Variants in GABRA2 observed in about 807,000 individuals in gnomAD.
GABRA2 encodes the protein gamma-aminobutyric acid type A receptor subunit alpha2.
In GABRA2, 16 loss-of-function variants were observed where a neutral mutation model predicts 48.7. That is an observed-to-expected ratio of 0.33 (90% CI 0.22 to 0.50). The LOEUF is 0.50. Ranked by LOEUF, GABRA2 falls within the 20% of genes least tolerant of loss-of-function variation. The pLI is 0.98. For synonymous variants in GABRA2, 185 were observed against 184.5 expected (o/e 1.00, Z -0.02); for missense variants, 275 against 535.6 (o/e 0.51, Z 4.80).
At chr4:46,378,656 T>TA (rs5858024) in intron 3 of GABRA2, among the ~76,000 whole-genome samples, 26 of 145,736 alleles carry the variant, frequency 1.8e-4, no homozygotes, top group East Asian at 6.0e-4. Flanking sequence ...AATGATCAAT[T>TA]AAAAAAAAAA....
intron 3 of GABRA2, among the ~76,000 whole-genome samples, chr4:46,352,694 T>C (rs1030515747): frequency 3.9e-5 from 6 of 152,078 alleles, no homozygotes; most frequent in African/African-American, 9.7e-5. Flanking sequence ...CCATTGTCCA[T>C]TTCCATTCAC....
intron 8 of GABRA2, among the ~76,000 whole-genome samples, chr4:46,269,634 A>G (rs1381160767): frequency 6.6e-6 from 1 of 151,906 alleles, no homozygotes; most frequent in Non-Finnish European, 1.5e-5. Context: ...GAAAAGAAAC[A>G]CCTACAGTTA....
At chr4:46,385,078 C>CAT (rs36113226) in intron 3 of GABRA2, among the ~76,000 whole-genome samples, 3,030 of 143,414 alleles carry the variant, frequency 0.021, 20 homozygotes, top group Non-Finnish European at 0.024. Flanking sequence ...AATTGCCTAA[C>CAT]ATATATATAT....
intron 4 of GABRA2, among the ~76,000 whole-genome samples, chr4:46,313,152 TAA>T (rs1290438978): frequency 1.1e-4 from 16 of 141,674 alleles, no homozygotes; most frequent in Non-Finnish European, 2.0e-4. Flanking sequence ...AATAAATAAA[TAA>T]ATAAAATTTT....
chr4:46,262,461 A>C (rs1717177880), intron 8 of GABRA2, among the ~76,000 whole-genome samples: 1 of 152,138 alleles, frequency 6.6e-6, no homozygotes, highest in Non-Finnish European at 1.5e-5. Flanking sequence ...AAAAGCAGGC[A>C]CTTTAAATGG....
chr4:46,353,086 T>A (rs1735402820), intron 3 of GABRA2, among the ~76,000 whole-genome samples: 1 of 152,136 alleles, frequency 6.6e-6, no homozygotes, highest in Non-Finnish European at 1.5e-5. Context: ...TGTTCTCTTT[T>A]AAGTGTGGAA....
intron 3 of GABRA2, among the ~76,000 whole-genome samples, chr4:46,336,430 A>G (rs1377863488): frequency 2.0e-5 from 3 of 152,192 alleles, no homozygotes; most frequent in Non-Finnish European, 4.4e-5. Context: ...AAGTCTGAAC[A>G]GTTAAGCAGC....
At chr4:46,310,099 A>T in intron 6 of GABRA2, 74 bp downstream of exon 6, 1 of 993,736 alleles carries the variant, frequency 1.0e-6, no homozygotes, top group Non-Finnish European at 1.6e-6. Flanking sequence ...GAAAAAAACT[A>T]GACAATTGAG....
chr4:46,329,445 C>A (rs574962040), intron 4 of GABRA2, among the ~76,000 whole-genome samples: 2 of 152,170 alleles, frequency 1.3e-5, no homozygotes, highest in East Asian at 3.9e-4. Context: ...TTTCTGTGGA[C>A]CAGCTTCAGC....
At position 46,250,086 on chromosome 4, in the gene GABRA2, T is replaced by G; in HGVS notation, c.*222A>C. On this transcript the variant is annotated 3_prime_UTR_variant, in exon 10 of 10. Coordinates refer to ENST00000381620, the MANE Select transcript of GABRA2 (RefSeq NM_000807.4). ...TTTAAATCAGGTCCTAGGGTAAATC[T>G]TTAAAAAAGGCAATGGCTGTTTTCG... 2.1e-6 allele frequency: 1 copy of G among 475,956 alleles called. No homozygotes were observed. Among genetic ancestry groups the G allele is most frequent in the East Asian group, 3.3e-5 (1 of 30,734 alleles). 29.5% of individuals were successfully genotyped at this position (475,956 alleles called of 1,614,324 possible).
Position 46,313,227 on chromosome 4 carries a change from GA to G in GABRA2, c.256-512del, listed in dbSNP as rs200047381. On this transcript the variant is annotated intron_variant, in intron 4 of 9. Coordinates refer to ENST00000381620, the MANE Select transcript of GABRA2 (RefSeq NM_000807.4). ...AAAAGAAAAATTAAAAAATTAAAAA[GA>G]AAAAAACACAACACTTAAGCACACT... Among the ~76,000 whole-genome samples, 992 of 149,316 alleles carry G rather than the reference GA, an allele frequency of 6.6e-3. 15 individuals carry two copies. The highest frequency in any genetic ancestry group is 0.022 in the African/African-American group (913 of 40,766).
Position 46,249,232 on chromosome 4 carries a change from C to G in GABRA2, c.*1076G>C, listed in dbSNP as rs970552322. 6.6e-6 allele frequency: 1 copy of G among 151,478 alleles called. No homozygotes were observed. Among genetic ancestry groups the G allele is most frequent in the African/African-American group, 2.4e-5 (1 of 41,328 alleles). 9.4% of individuals were successfully genotyped at this position (151,478 alleles called of 1,614,324 possible). The stretch of plus-strand genomic sequence containing the variant: ...AAAGCAGATTTACATTAATTCTTAT[C>G]TGAAAGAACTGCTTTCACAAGAGAA... On this transcript the variant is annotated 3_prime_UTR_variant, in exon 10 of 10. Coordinates refer to ENST00000381620, the MANE Select transcript of GABRA2 (RefSeq NM_000807.4).
chr4:46,389,492 A>G (rs1717941720), intron 1 of GABRA2: 1 of 754,132 alleles, frequency 1.3e-6, no homozygotes. Context: ...GAAGACTATA[A>G]AAGAGCCAGG....
intron 3 of GABRA2, among the ~76,000 whole-genome samples, chr4:46,377,163 T>C (rs1209211313): frequency 6.6e-6 from 1 of 151,704 alleles, no homozygotes; most frequent in Non-Finnish European, 1.5e-5. Flanking sequence ...CCACCCCGTC[T>C]GGGAAGTGAG....
chr4:46,390,296 C>G (rs1448021134), upstream of GABRA2: 6 of 151,400 alleles, frequency 4.0e-5, no homozygotes, highest in African/African-American at 1.5e-4. Context: ...GGCGCAGACC[C>G]GGGCGGCGTC....
At position 46,245,650 on chromosome 4, in the gene GABRA2, T is replaced by C. The variant is rs1713585325; in HGVS notation, c.*4658A>G. On this transcript the variant is annotated 3_prime_UTR_variant, in exon 10 of 10. Transcript: ENST00000381620. ...ACAAATTGTTTAGATATCATAAATTTATCTGAATTTCTCAAAACATTATTC... is the reference window on the plus strand; with the variant it reads ...ACAAATTGTTTAGATATCATAAATTCATCTGAATTTCTCAAAACATTATTC... Among the ~76,000 whole-genome samples the C allele has an allele frequency of 6.6e-6, 1 of 151,232 alleles. No individual in the cohort carries two copies. The highest frequency in any genetic ancestry group is 1.5e-5 in the Non-Finnish European group (1 of 67,436).
At chr4:46,288,013 C>A (rs1016677999) in intron 8 of GABRA2, among the ~76,000 whole-genome samples, 5 of 152,046 alleles carry the variant, frequency 3.3e-5, no homozygotes, top group African/African-American at 1.2e-4. Flanking sequence ...AGGGAAACAC[C>A]CCCATATAAA....
At chr4:46,276,033 G>A (rs1159459833) in intron 8 of GABRA2, among the ~76,000 whole-genome samples, 2 of 151,896 alleles carry the variant, frequency 1.3e-5, no homozygotes, top group Non-Finnish European at 2.9e-5. Context: ...TGGAAAAGTC[G>A]ATATTTTCTA....
chr4:46,281,921 T>C (rs1278082866), intron 8 of GABRA2, among the ~76,000 whole-genome samples: 8 of 152,070 alleles, frequency 5.3e-5, no homozygotes, highest in African/African-American at 1.9e-4. Context: ...AGAGGTGCAT[T>C]CCTGGAATAA....
Sources: gnomAD v4.1 joint callset for allele counts (sites outside exome capture counted in the v4.1 genomes callset) on GRCh38, gnomAD v4.1.1 for gene constraint, MANE v1.5 for transcripts, NCBI Gene and HGNC (gene_info 2026-07-23, HGNC 2026-07-21) for gene names.